CSMD1: variants seen among roughly 807,000 people sequenced by gnomAD.
The protein encoded by CSMD1 is CUB and Sushi multiple domains 1.
In CSMD1, 213 loss-of-function variants were observed where a neutral mutation model predicts 417.5. That is an observed-to-expected ratio of 0.51 (90% CI 0.46 to 0.57). CSMD1 has a LOEUF of 0.57. Among genes scored for constraint, CSMD1 ranks in the 20% least tolerant of loss-of-function variants. CSMD1 has a pLI of 0.00. For synonymous variants in CSMD1, 2,862 were observed against 1,736.8 expected (o/e 1.65, Z -16.11); for missense variants, 6,923 against 4,529.7 (o/e 1.53, Z -15.17).
At chr8:4,062,471 A>G (rs142385767) in intron 3 of CSMD1, among the ~76,000 whole-genome samples, 1 of 152,330 alleles carries the variant, frequency 6.6e-6, no homozygotes, top group Admixed American at 6.5e-5. Flanking sequence ...TCAGAATCAA[A>G]TGCACTACAA....
At chr8:4,937,085 C>G (rs1807670975) in intron 1 of CSMD1, among the ~76,000 whole-genome samples, 1 of 152,138 alleles carries the variant, frequency 6.6e-6, no homozygotes, top group African/African-American at 2.4e-5. Context: ...TTGTGGCACA[C>G]ACCTGTAGTC....
intron 2 of CSMD1, among the ~76,000 whole-genome samples, chr8:4,576,233 T>A (rs969882714): frequency 5.3e-5 from 8 of 152,222 alleles, no homozygotes; most frequent in Admixed American, 2.0e-4. Context: ...TCTTCTGAAT[T>A]CCAGGCACCC....
intron 7 of CSMD1, among the ~76,000 whole-genome samples, chr8:3,693,815 G>C (rs1322419907): frequency 6.6e-6 from 1 of 151,324 alleles, no homozygotes; most frequent in African/African-American, 2.4e-5. Context: ...TGTGTGTTGT[G>C]TTTGTTATGG....
At chr8:3,750,699 C>A (rs1300411049) in intron 6 of CSMD1, among the ~76,000 whole-genome samples, 1 of 152,096 alleles carries the variant, frequency 6.6e-6, no homozygotes, top group Admixed American at 6.6e-5. Context: ...TCTGAAGGAA[C>A]AAACTTGATG....
chr8:3,064,284 G>A (rs750400858), intron 49 of CSMD1, among the ~76,000 whole-genome samples: 1 of 152,168 alleles, frequency 6.6e-6, no homozygotes, highest in Non-Finnish European at 1.5e-5. Context: ...CTGGTGGGAG[G>A]TGACTGGATC....
chr8:4,776,804 C>A lies in CSMD1; in HGVS notation c.86-139246G>T, dbSNP rs74299165. ...CAAGGAATATTATATTAGAGCCAGACGATTTAAATTTTAATTCTCTTACTG... is the reference window on the plus strand; with the variant it reads ...CAAGGAATATTATATTAGAGCCAGAAGATTTAAATTTTAATTCTCTTACTG... On this transcript the variant is annotated intron_variant, in intron 1 of 69. Transcript: ENST00000635120. Among the ~76,000 whole-genome samples, 9 of 151,894 alleles carry A rather than the reference C, an allele frequency of 5.9e-5. No homozygotes were observed. The East Asian group carries it at 1.7e-3, about 29-fold the overall frequency.
chr8:4,047,011 C>T (rs1386817573), intron 3 of CSMD1, among the ~76,000 whole-genome samples: 3 of 152,096 alleles, frequency 2.0e-5, no homozygotes, highest in African/African-American at 7.2e-5. Flanking sequence ...ATGACTTAGC[C>T]CTATAGGGTT....
At chr8:4,662,786 G>A (rs1804680415) in intron 1 of CSMD1, among the ~76,000 whole-genome samples, 1 of 152,162 alleles carries the variant, frequency 6.6e-6, no homozygotes, top group African/African-American at 2.4e-5. Context: ...TTTTCCACCA[G>A]GGATTCAAGC....
At chr8:3,233,990 T>C (rs1799006259) in intron 26 of CSMD1, among the ~76,000 whole-genome samples, 1 of 152,214 alleles carries the variant, frequency 6.6e-6, no homozygotes, top group Non-Finnish European at 1.5e-5. Context: ...TCAACATCGA[T>C]GTCTGTGTAT....
intron 3 of CSMD1, among the ~76,000 whole-genome samples, chr8:4,154,409 G>T (rs1306198608): frequency 6.6e-6 from 1 of 152,196 alleles, no homozygotes; most frequent in African/African-American, 2.4e-5. Context: ...TATAGACAAA[G>T]GCATTTAGCA....
intron 3 of CSMD1, among the ~76,000 whole-genome samples, chr8:4,363,218 G>C (rs765518860): frequency 7.9e-5 from 12 of 152,172 alleles, no homozygotes; most frequent in Non-Finnish European, 1.3e-4. Context: ...GATCTTCCAT[G>C]ATGACCAAGG....
intron 3 of CSMD1, among the ~76,000 whole-genome samples, chr8:4,360,806 T>C (rs935996849): frequency 1.3e-5 from 2 of 151,646 alleles, no homozygotes; most frequent in Non-Finnish European, 3.0e-5. Flanking sequence ...TCGGGGTTCG[T>C]AATCTCACAG....
chr8:4,274,223 G>C (rs555293546), intron 3 of CSMD1, among the ~76,000 whole-genome samples: 3 of 152,150 alleles, frequency 2.0e-5, no homozygotes, highest in African/African-American at 7.2e-5. Context: ...ATAAAGTCCA[G>C]GCCTCTGAAA....
intron 3 of CSMD1, among the ~76,000 whole-genome samples, chr8:4,117,581 G>A (rs1394814433): frequency 1.3e-5 from 2 of 152,152 alleles, no homozygotes; most frequent in African/African-American, 2.4e-5. Context: ...ATAAATGATG[G>A]CAATGATTAT....
intron 1 of CSMD1, among the ~76,000 whole-genome samples, chr8:4,775,062 C>T (rs540648299): frequency 1.3e-5 from 2 of 152,140 alleles, no homozygotes; most frequent in East Asian, 3.9e-4. Flanking sequence ...TATACAAGAG[C>T]AACAGAAGGA....
chr8:3,988,181 T>A lies in CSMD1; in HGVS notation c.818+9722A>T, dbSNP rs1523247. Among the ~76,000 whole-genome samples, 288 of 152,006 alleles carry A rather than the reference T, an allele frequency of 1.9e-3. 11 individuals carry two copies. The East Asian group carries it at 0.046, about 25-fold the overall frequency. On this transcript the variant is annotated intron_variant, in intron 5 of 69. Coordinates refer to ENST00000635120, the MANE Select transcript of CSMD1 (RefSeq NM_033225.6). ...GTTCAGAAAACTAAATCAGAGTCTCTAAGCAGTAAGACCCTGGTGAGTCTG... is the reference window on the plus strand; with the variant it reads ...GTTCAGAAAACTAAATCAGAGTCTCAAAGCAGTAAGACCCTGGTGAGTCTG...
intron 26 of CSMD1, among the ~76,000 whole-genome samples, chr8:3,262,529 C>CG (rs1339563134): frequency 6.7e-6 from 1 of 149,870 alleles, no homozygotes; most frequent in Non-Finnish European, 1.5e-5. Flanking sequence ...GCTATTACTT[C>CG]GGGCCAAATG....
intron 42 of CSMD1, among the ~76,000 whole-genome samples, chr8:3,116,833 G>T (rs906454473): frequency 6.6e-6 from 1 of 151,770 alleles, no homozygotes; most frequent in African/African-American, 2.4e-5. Context: ...AATAAGAAGA[G>T]GTTTCAATCC....
intron 2 of CSMD1, among the ~76,000 whole-genome samples, chr8:4,480,636 T>G (rs957087769): frequency 6.6e-6 from 1 of 152,236 alleles, no homozygotes; most frequent in African/African-American, 2.4e-5. Context: ...CTGTGGGCCA[T>G]TCTCTAAAAT....
Sources: allele counts gnomAD v4.1 joint callset (sites outside exome capture counted in the v4.1 genomes callset), GRCh38; gene constraint gnomAD v4.1.1; transcripts MANE v1.5; gene names NCBI Gene and HGNC (gene_info 2026-07-23, HGNC 2026-07-21).